Variants in SNX6 observed in about 807,000 individuals in gnomAD.
The protein encoded by SNX6 is sorting nexin-6.
SNX6 carries 34 observed loss-of-function variants against 63.0 expected under a neutral mutation model. The observed-to-expected ratio is 0.54, with a 90% CI of 0.41 to 0.72. SNX6 has a LOEUF of 0.72. Ranked by LOEUF, SNX6 falls within the 30% of genes least tolerant of loss-of-function variation. The pLI, the probability that SNX6 is intolerant of heterozygous loss-of-function variation, is 0.00. For missense variants in SNX6, 398 were observed against 471.4 expected (o/e 0.84, Z 1.44); for synonymous variants, 170 against 164.2 (o/e 1.04, Z -0.27).
intron 8 of SNX6, among the ~76,000 whole-genome samples, chr14:34,592,262 T>C (rs911396706): frequency 4.6e-5 from 7 of 152,150 alleles, no homozygotes; most frequent in African/African-American, 1.4e-4. Flanking sequence ...GGCAGGTGCC[T>C]GTAATCCCAG....
chr14:34,606,725 A>G (rs530082804), intron 4 of SNX6, among the ~76,000 whole-genome samples: 1 of 149,620 alleles, frequency 6.7e-6, no homozygotes, highest in African/African-American at 2.5e-5. Context: ...CACAGGCGTC[A>G]GCCACCGTGG....
chr14:34,592,486 A>G (rs183448957), intron 8 of SNX6, among the ~76,000 whole-genome samples: 74 of 152,338 alleles, frequency 4.9e-4, no homozygotes, highest in African/African-American at 1.8e-3. Context: ...CGCAGCAGCA[A>G]CTTTATCCAT....
Position 34,603,461 on chromosome 14 carries a change from C to A in SNX6, c.403G>T (p.Ala135Ser). The A allele has an allele frequency of 6.3e-7, 1 of 1,590,710 alleles. No homozygotes were observed. The highest frequency in any genetic ancestry group is 8.5e-7 in the Non-Finnish European group (1 of 1,169,752). Residue 135 changes from alanine (A) to serine (S), a missense_variant, in exon 6 of 14, where the codon GCA becomes TCA. Physicochemically the swap from Ala to Ser is moderately conservative, Grantham distance 99. Transcript: ENST00000362031. ...MKQELEAEYL[A>S]IFKKTVAMHE... ...ATCGCAACTGTCTTCTTGAATATTG[C>A]CAAATATTCACTAGAAACAATATAC...
intron 4 of SNX6, 40 bp downstream of exon 4, chr14:34,607,990 C>A: frequency 2.8e-6 from 3 of 1,053,270 alleles, no homozygotes; most frequent in African/African-American, 1.6e-5. Context: ...TACCTAAAAC[C>A]TCCTAGAAAA....
At chr14:34,595,040 C>T (rs545321799) in intron 7 of SNX6, among the ~76,000 whole-genome samples, 24 of 151,914 alleles carry the variant, frequency 1.6e-4, no homozygotes, top group Middle Eastern at 3.4e-3. Flanking sequence ...TGCAGTGAGC[C>T]GAGATTGGGG....
At chr14:34,603,146 C>G (rs989028693) in intron 6 of SNX6, among the ~76,000 whole-genome samples, 6 of 151,056 alleles carry the variant, frequency 4.0e-5, no homozygotes, top group African/African-American at 1.5e-4. Flanking sequence ...GGCGTGGTGG[C>G]AGGCGCCTGT....
intron 2 of SNX6, among the ~76,000 whole-genome samples, chr14:34,628,855 TTATCA>T (rs1158884272): frequency 6.6e-6 from 1 of 152,102 alleles, no homozygotes; most frequent in East Asian, 1.9e-4. Flanking sequence ...TGAATGGTAA[TTATCA>T]TATATCAACA....
intron 2 of SNX6, 61 bp from the exon 3 acceptor site, chr14:34,609,803 CTT>C (rs1172002529): frequency 8.2e-5 from 98 of 1,192,676 alleles, no homozygotes; most frequent in Middle Eastern, 6.2e-4. Context: ...CATTTTTTCT[CTT>C]AAGACAATGC....
chr14:34,578,781 A>T (rs1250001374), intron 10 of SNX6, among the ~76,000 whole-genome samples: 1 of 149,644 alleles, frequency 6.7e-6, no homozygotes, highest in Admixed American at 6.7e-5. Context: ...TCTACTAAAA[A>T]TACAAAAATT....
In SNX6 at chr14:34,602,295, G is replaced by A. The variant is rs142537149; in HGVS notation, c.516+1053C>T. On this transcript the variant is annotated intron_variant, in intron 6 of 13. Transcript: ENST00000362031. ...ACAAAAATTATCTTGGCATGGTGGC[G>A]CATTCCTGTAATCCCAGCTACTTGA... 4.7e-3 allele frequency among the ~76,000 whole-genome samples: 717 copies of A among 152,012 alleles called. 8 individuals carry two copies. The highest frequency in any genetic ancestry group is 0.016 in the African/African-American group (683 of 41,470).
At chr14:34,574,539 A>G (rs1399243554) in intron 11 of SNX6, among the ~76,000 whole-genome samples, 2 of 147,876 alleles carry the variant, frequency 1.4e-5, no homozygotes, top group African/African-American at 5.0e-5. Context: ...AATCCCAGCT[A>G]CTCAGGAGGC....
chr14:34,629,441 G>A (rs1056593669), intron 2 of SNX6: 7 of 460,138 alleles, frequency 1.5e-5, no homozygotes, highest in African/African-American at 1.4e-4. Context: ...CTTGCAAAAT[G>A]GTAATGTAGA....
intron 7 of SNX6, among the ~76,000 whole-genome samples, chr14:34,594,498 C>T (rs762966667): frequency 1.6e-4 from 25 of 151,982 alleles, no homozygotes; most frequent in Admixed American, 4.6e-4. Context: ...GGACTACAGG[C>T]GCATGCCACA....
chr14:34,622,042 T>G (rs1444082681), intron 2 of SNX6, among the ~76,000 whole-genome samples: 1 of 142,252 alleles, frequency 7.0e-6, no homozygotes, highest in Non-Finnish European at 1.5e-5. Context: ...CACTGCTACC[T>G]CTGCCTCCTG....
intron 2 of SNX6, among the ~76,000 whole-genome samples, chr14:34,622,173 G>A (rs1458716488): frequency 6.6e-6 from 1 of 150,538 alleles, no homozygotes; most frequent in African/African-American, 2.4e-5. Context: ...CGTTGGCCAG[G>A]CTGGTGTTGA....
At position 34,561,994 on chromosome 14, in the gene SNX6, GATA is replaced by G. The variant is rs1366045577; in HGVS notation, c.*1125_*1127del. The stretch of plus-strand genomic sequence containing the variant: ...AATGTTCATTCACACTAGAAAGGCC[GATA>G]ATGTTTGTAATATAACTACTGGCGA... On this transcript the variant is annotated 3_prime_UTR_variant, in exon 14 of 14. Coordinates refer to ENST00000362031, the MANE Select transcript of SNX6 (RefSeq NM_152233.4). 6.5e-5 allele frequency: 8 copies of G among 123,494 alleles called. No individual in the cohort carries two copies. The highest frequency in any genetic ancestry group is 2.8e-4 in the African/African-American group (8 of 28,820). 7.6% of individuals were successfully genotyped at this position (123,494 alleles called of 1,614,324 possible).
intron 7 of SNX6, among the ~76,000 whole-genome samples, chr14:34,597,243 CT>C (rs535514705): frequency 3.3e-4 from 51 of 152,296 alleles, no homozygotes; most frequent in African/African-American, 1.1e-3. Context: ...CATATAGGAA[CT>C]GCAAGGCTTG....
intron 11 of SNX6, among the ~76,000 whole-genome samples, chr14:34,571,610 AAGG>A (rs1881456481): frequency 6.6e-6 from 1 of 152,162 alleles, no homozygotes; most frequent in African/African-American, 2.4e-5. Flanking sequence ...GATTGGGAGA[AAGG>A]AGGATGAAGG....
chr14:34,623,208 C>T (rs550090626), intron 2 of SNX6, among the ~76,000 whole-genome samples: 33 of 151,778 alleles, frequency 2.2e-4, no homozygotes, highest in Non-Finnish European at 4.3e-4. Context: ...TGTGCAGGTG[C>T]AAAACAAAAT....
Sources: gnomAD v4.1 joint callset for allele counts (sites outside exome capture counted in the v4.1 genomes callset) on GRCh38, gnomAD v4.1.1 for gene constraint, MANE v1.5 for transcripts, NCBI Gene and HGNC (gene_info 2026-07-23, HGNC 2026-07-21) for gene names.